FRMD4A: variants seen among roughly 807,000 people sequenced by gnomAD.
FRMD4A encodes the protein FERM domain-containing protein 4A.
In FRMD4A, 29 loss-of-function variants were observed where a neutral mutation model predicts 129.1. That is an observed-to-expected ratio of 0.22 (90% CI 0.17 to 0.31). FRMD4A has a LOEUF of 0.31. FRMD4A is among the 10% of genes least tolerant of loss of function. The pLI is 1.00. For missense variants in FRMD4A, 1,272 were observed against 1,375.8 expected, an observed-to-expected ratio of 0.92 and a Z score of 1.19; for synonymous variants, 634 against 571.6, an observed-to-expected ratio of 1.11 and a Z score of -1.56.
chr10:13,755,610 G>A (rs2091826699), intron 8 of FRMD4A, among the ~76,000 whole-genome samples: 2 of 152,162 alleles, frequency 1.3e-5, no homozygotes, highest in African/African-American at 4.8e-5. Context: ...AATTTTCCTT[G>A]TTAATGAGGG....
chr10:13,836,056 G>A (rs2093868877), intron 3 of FRMD4A, among the ~76,000 whole-genome samples: 1 of 152,178 alleles, frequency 6.6e-6, no homozygotes. Flanking sequence ...GGAGTGCAGT[G>A]GCACGATCTC....
At chr10:13,964,506 C>G (rs1359453069) in intron 2 of FRMD4A, among the ~76,000 whole-genome samples, 2 of 151,870 alleles carry the variant, frequency 1.3e-5, no homozygotes, top group South Asian at 2.1e-4. Context: ...ATAGAGAGGA[C>G]AGAGGTCGAT....
intron 2 of FRMD4A, among the ~76,000 whole-genome samples, chr10:14,234,801 C>T (rs773276976): frequency 9.9e-5 from 15 of 152,254 alleles, no homozygotes; most frequent in Non-Finnish European, 1.9e-4. Flanking sequence ...CTTCCCCTTT[C>T]ATCATCAGAG....
intron 6 of FRMD4A, among the ~76,000 whole-genome samples, chr10:13,777,791 ATTTT>A (rs34059772): frequency 1.2e-5 from 1 of 85,962 alleles, no homozygotes; most frequent in Non-Finnish European, 2.1e-5. Context: ...CTTTGGGTCA[ATTTT>A]TTTTTTTTTT....
chr10:14,132,407 G>T (rs1038896902), intron 2 of FRMD4A, among the ~76,000 whole-genome samples: 2 of 152,230 alleles, frequency 1.3e-5, no homozygotes, highest in Non-Finnish European at 2.9e-5. Flanking sequence ...GAGGGAAAAA[G>T]AGGGCAGAGC....
intron 2 of FRMD4A, among the ~76,000 whole-genome samples, chr10:14,103,811 C>T (rs1837436416): frequency 6.6e-6 from 1 of 152,088 alleles, no homozygotes; most frequent in South Asian, 2.1e-4. Flanking sequence ...TTCTTCCCTC[C>T]CTCCCTATCA....
At chr10:14,017,361 C>T (rs1215384651) in intron 2 of FRMD4A, among the ~76,000 whole-genome samples, 1 of 152,174 alleles carries the variant, frequency 6.6e-6, no homozygotes, top group African/African-American at 2.4e-5. Flanking sequence ...TGCAGTTTCA[C>T]AGGGTAAACT....
At position 13,981,564 on chromosome 10, in the gene FRMD4A, C is replaced by A. The variant is rs1474191287; in HGVS notation, c.46-122652G>T. On this transcript the variant is annotated intron_variant, in intron 2 of 24. Transcript: ENST00000357447. ...GACCAGCCTGGCCAACGTGGTGAAACCCCGCCTCTACTACAAATACAAAAA... is the reference window on the plus strand; with the variant it reads ...GACCAGCCTGGCCAACGTGGTGAAAACCCGCCTCTACTACAAATACAAAAA... 2.0e-5 allele frequency among the ~76,000 whole-genome samples: 3 copies of A among 151,694 alleles called. No individual in the cohort carries two copies. The East Asian group carries it at 5.8e-4, about 29-fold the overall frequency.
At chr10:13,669,963 G>GA (rs768013985) in intron 17 of FRMD4A, among the ~76,000 whole-genome samples, 23 of 152,170 alleles carry the variant, frequency 1.5e-4, no homozygotes, top group Non-Finnish European at 3.4e-4. Context: ...CGGGGCGGTG[G>GA]ACCCTACTGG....
intron 2 of FRMD4A, among the ~76,000 whole-genome samples, chr10:14,123,592 C>T (rs190483505): frequency 9.1e-4 from 139 of 152,216 alleles, no homozygotes; most frequent in African/African-American, 3.1e-3. Context: ...GTGAAGGGGC[C>T]CAGGTTGGTC....
intron 5 of FRMD4A, among the ~76,000 whole-genome samples, chr10:13,786,962 G>C (rs1039834803): frequency 3.9e-5 from 6 of 152,108 alleles, no homozygotes; most frequent in African/African-American, 1.4e-4. Flanking sequence ...CTCCTGAATA[G>C]TATATTAAGA....
At chr10:13,897,109 G>C (rs2094767693) in intron 2 of FRMD4A, among the ~76,000 whole-genome samples, 1 of 152,190 alleles carries the variant, frequency 6.6e-6, no homozygotes, top group Non-Finnish European at 1.5e-5. Flanking sequence ...ATTTTGCAAA[G>C]TGCTGCTTCG....
intron 2 of FRMD4A, among the ~76,000 whole-genome samples, chr10:14,120,711 A>G (rs892895547): frequency 1.6e-4 from 25 of 152,112 alleles, no homozygotes; most frequent in African/African-American, 6.0e-4. Context: ...TTTTTTGGGG[A>G]GCAGAGCCCT....
intron 3 of FRMD4A, among the ~76,000 whole-genome samples, chr10:13,814,580 C>CAAAAAAAAAAAAAAAAAAAAAAAAAA (rs553044764): frequency 2.4e-5 from 1 of 41,388 alleles, no homozygotes; most frequent in African/African-American, 8.8e-5. Flanking sequence ...GACCCTGTTT[C>CAAAAAAAAAAAAAAAAAAAAAAAAAA]AAAAAAAAAA....
intron 2 of FRMD4A, among the ~76,000 whole-genome samples, chr10:14,052,704 G>T (rs1294776268): frequency 1.3e-5 from 2 of 150,514 alleles, no homozygotes; most frequent in Admixed American, 6.7e-5. Context: ...GATTTCAGGT[G>T]CTCACCACCA....
rs72769563 is a variant in FRMD4A, at chr10:13,765,936, T to C, written c.385-3256A>G. Among the ~76,000 whole-genome samples, 248 of 152,326 alleles carry C rather than the reference T, an allele frequency of 1.6e-3. 2 individuals carry two copies. Among genetic ancestry groups the C allele is most frequent in the Non-Finnish European group, 2.4e-3 (165 of 68,026 alleles). ...TCTGTCAAACATTTACACCTTATGT[T>C]ACAGCCAATGGTCGACTGCGGGCTA... On this transcript the variant is annotated intron_variant, in intron 6 of 24. Transcript: ENST00000357447.
intron 2 of FRMD4A, among the ~76,000 whole-genome samples, chr10:14,159,057 C>T (rs1024883080): frequency 2.0e-5 from 3 of 151,942 alleles, no homozygotes; most frequent in Admixed American, 6.6e-5. Context: ...TGCCACTTAA[C>T]GAGACAAGGG....
chr10:14,116,347 T>C (rs1427981052), intron 2 of FRMD4A, among the ~76,000 whole-genome samples: 1 of 152,158 alleles, frequency 6.6e-6, no homozygotes, highest in East Asian at 1.9e-4. Flanking sequence ...CACTGGTGGG[T>C]GGTTTTTGCA....
At chr10:13,805,862 AT>A (rs11339023) in intron 4 of FRMD4A, among the ~76,000 whole-genome samples, 87,829 of 145,508 alleles carry the variant, frequency 0.6, 26,477 homozygotes, top group East Asian at 0.76. Flanking sequence ...CTAATTTTTA[AT>A]TTTTTTTTTT....
Sources: allele counts gnomAD v4.1 joint callset (sites outside exome capture counted in the v4.1 genomes callset), GRCh38; gene constraint gnomAD v4.1.1; transcripts MANE v1.5; gene names NCBI Gene and HGNC (gene_info 2026-07-23, HGNC 2026-07-21).